APBB2: variants seen among roughly 807,000 people sequenced by gnomAD.
APBB2 encodes the protein Fe65-like 1.
A neutral mutation model predicts 82.5 loss-of-function variants in APBB2; 38 were observed. The ratio of observed to expected loss-of-function variants is 0.46; its 90% confidence interval spans 0.36 to 0.60. The LOEUF (loss-of-function observed/expected upper bound fraction) is 0.60, where lower values mean the gene tolerates loss of function less well. Among genes scored for constraint, APBB2 ranks in the 20% least tolerant of loss-of-function variants. APBB2 has a pLI of 0.00. For synonymous variants in APBB2, 341 were observed against 368.2 expected, an observed-to-expected ratio of 0.93 and a Z score of 0.85; for missense variants, 772 against 972.3, an observed-to-expected ratio of 0.79 and a Z score of 2.74.
At chr4:40,871,213 C>T (rs1765429958) in intron 12 of APBB2, among the ~76,000 whole-genome samples, 1 of 152,200 alleles carries the variant, frequency 6.6e-6, no homozygotes, top group Middle Eastern at 3.2e-3. Flanking sequence ...GCAGTCTTGG[C>T]TCACTGCAAC....
At chr4:40,964,247 A>G (rs1794024447) in intron 6 of APBB2, among the ~76,000 whole-genome samples, 1 of 152,168 alleles carries the variant, frequency 6.6e-6, no homozygotes. Flanking sequence ...ACCCTGGAAA[A>G]GCTTGACCCT....
At chr4:40,899,924 C>T (rs1010331392) in intron 10 of APBB2, among the ~76,000 whole-genome samples, 4 of 152,134 alleles carry the variant, frequency 2.6e-5, no homozygotes, top group African/African-American at 9.7e-5. Flanking sequence ...GGAAAGTCAG[C>T]CTCGGGGTAC....
chr4:40,946,054 G>T lies in APBB2; in HGVS notation c.836-981C>A, dbSNP rs190889073. On this transcript the variant is annotated intron_variant, in intron 6 of 17. Coordinates refer to ENST00000508593, the MANE Select transcript of APBB2 (RefSeq NM_004307.2). Reference sequence around the variant, plus strand: ...TTGAGACCAGCCTGACCAATGTGGTGAAAGCCTGTCTCTACTAAAAATGCA... The same window carrying T: ...TTGAGACCAGCCTGACCAATGTGGTTAAAGCCTGTCTCTACTAAAAATGCA... Among the ~76,000 whole-genome samples the T allele has an allele frequency of 1.4e-3, 217 of 152,218 alleles. 1 individual carries two copies. Among genetic ancestry groups the T allele is most frequent in the African/African-American group, 5.0e-3 (206 of 41,548 alleles).
chr4:40,866,178 A>G (rs1187621379), intron 12 of APBB2, among the ~76,000 whole-genome samples: 1 of 152,194 alleles, frequency 6.6e-6, no homozygotes, highest in Non-Finnish European at 1.5e-5. Context: ...GGCTTTATTC[A>G]TGGTTCATGA....
intron 1 of APBB2, among the ~76,000 whole-genome samples, chr4:41,206,618 T>C (rs11932835): frequency 0.08 from 12,150 of 152,288 alleles, 692 homozygotes; most frequent in Non-Finnish European, 0.12. Context: ...AAGGTGTCTC[T>C]ACACCCAAAT....
chr4:41,077,147 G>A (rs939005879), intron 3 of APBB2, among the ~76,000 whole-genome samples: 1 of 151,022 alleles, frequency 6.6e-6, no homozygotes, highest in African/African-American at 2.4e-5. Context: ...TAGGACTACA[G>A]GCGCATACCA....
At chr4:40,818,932 C>T (rs188096739) in intron 17 of APBB2, among the ~76,000 whole-genome samples, 4 of 152,260 alleles carry the variant, frequency 2.6e-5, no homozygotes, top group Non-Finnish European at 5.9e-5. Context: ...CCAGGCTGGA[C>T]TTGAACTCCT....
At chr4:41,032,597 T>C (rs1011830746) in intron 5 of APBB2, among the ~76,000 whole-genome samples, 3 of 152,024 alleles carry the variant, frequency 2.0e-5, no homozygotes, top group African/African-American at 7.2e-5. Context: ...TTTGTTGACA[T>C]TTCAGCAGTA....
intron 12 of APBB2, among the ~76,000 whole-genome samples, chr4:40,883,359 G>A (rs1392477947): frequency 2.0e-5 from 3 of 152,112 alleles, no homozygotes; most frequent in Non-Finnish European, 4.4e-5. Context: ...GGCCGAGGAG[G>A]GCAGATCACC....
chr4:41,074,614 T>TA (rs1560682600), intron 3 of APBB2, among the ~76,000 whole-genome samples: 80 of 116,816 alleles, frequency 6.8e-4, no homozygotes, highest in African/African-American at 2.0e-3. Flanking sequence ...TATTATTTTT[T>TA]TTTTTTTTTT....
At chr4:41,046,251 A>G (rs1267137124) in intron 4 of APBB2, among the ~76,000 whole-genome samples, 1 of 152,202 alleles carries the variant, frequency 6.6e-6, no homozygotes, top group East Asian at 1.9e-4. Context: ...GACAGATTTT[A>G]CTCTATAGCT....
Position 40,890,378 on chromosome 4 carries a change from G to GC in APBB2, c.1514dup (p.Arg506ProfsTer14). 6.2e-7 allele frequency: 1 copy of GC among 1,612,800 alleles called. No individual in the cohort carries two copies. Among genetic ancestry groups the GC allele is most frequent in the Non-Finnish European group, 8.5e-7 (1 of 1,179,838 alleles). On this transcript the variant is annotated frameshift_variant, in exon 12 of 18. Coordinates refer to ENST00000508593, the MANE Select transcript of APBB2 (RefSeq NM_004307.2). LOFTEE classifies it high-confidence loss of function. ...CAGGGACTCACCGGCCATTGTCGCG[G>GC]CCCACGCCCCACACGCGGATGCTGA...
Position 40,818,673 on chromosome 4 carries a change from A to T in APBB2, c.2113-2414T>A, listed in dbSNP as rs141201678. Among the ~76,000 whole-genome samples the T allele has an allele frequency of 3.0e-4, 45 of 152,152 alleles. 1 individual carries two copies. Among genetic ancestry groups the T allele is most frequent in the African/African-American group, 1.0e-3 (43 of 41,492 alleles). On this transcript the variant is annotated intron_variant, in intron 17 of 17. Transcript: ENST00000508593. Reference sequence around the variant, plus strand: ...CTGAACCCCAGCCCTGCTCCTGCATATTCAGGGTGTCTGAGTTAGAATCCT... The same window carrying T: ...CTGAACCCCAGCCCTGCTCCTGCATTTTCAGGGTGTCTGAGTTAGAATCCT...
chr4:41,186,219 T>A (rs565714796), intron 1 of APBB2, among the ~76,000 whole-genome samples: 2 of 152,146 alleles, frequency 1.3e-5, no homozygotes, highest in African/African-American at 2.4e-5. Flanking sequence ...TTAAAATACA[T>A]AAAACCATCC....
intron 4 of APBB2, among the ~76,000 whole-genome samples, chr4:41,052,751 A>T (rs919026725): frequency 1.3e-5 from 2 of 150,088 alleles, no homozygotes; most frequent in Non-Finnish European, 3.0e-5. Context: ...CCTTTGGGAC[A>T]ATTTTTCTTT....
intron 12 of APBB2, among the ~76,000 whole-genome samples, chr4:40,862,926 C>T (rs1560734388): frequency 6.6e-6 from 1 of 151,300 alleles, no homozygotes; most frequent in East Asian, 1.9e-4. Flanking sequence ...AGACTCCTCG[C>T]TTTTTTTACA....
At chr4:41,038,706 T>C (rs1041904613) in intron 4 of APBB2, among the ~76,000 whole-genome samples, 5 of 152,176 alleles carry the variant, frequency 3.3e-5, no homozygotes, top group African/African-American at 1.2e-4. Flanking sequence ...AACCCAATAC[T>C]CCCTTTCTAT....
At chr4:40,908,162 T>C (rs1262717936) in intron 10 of APBB2, among the ~76,000 whole-genome samples, 1 of 151,532 alleles carries the variant, frequency 6.6e-6, no homozygotes, top group Non-Finnish European at 1.5e-5. Flanking sequence ...GAATAGGCCA[T>C]GTAAGGACAG....
chr4:40,967,477 A>C (rs1794952615), intron 6 of APBB2, among the ~76,000 whole-genome samples: 1 of 152,134 alleles, frequency 6.6e-6, no homozygotes, highest in African/African-American at 2.4e-5. Context: ...GGCATCTCCA[A>C]GCTTCTGGGC....
Sources: gnomAD v4.1 joint callset for allele counts (sites outside exome capture counted in the v4.1 genomes callset) on GRCh38, gnomAD v4.1.1 for gene constraint, MANE v1.5 for transcripts, NCBI Gene and HGNC (gene_info 2026-07-23, HGNC 2026-07-21) for gene names.